Variants in LSAMP observed in about 807,000 individuals in gnomAD.
The protein encoded by LSAMP is limbic system-associated membrane protein.
In LSAMP, 7 loss-of-function variants were observed where a neutral mutation model predicts 38.6. The observed-to-expected ratio is 0.18, with a 90% CI of 0.10 to 0.34. The LOEUF (loss-of-function observed/expected upper bound fraction) is 0.34. Ranked by LOEUF, LSAMP falls within the 10% of genes least tolerant of loss-of-function variation. The pLI, the probability that LSAMP is intolerant of heterozygous loss-of-function variation, is 1.00. For missense variants in LSAMP, 313 were observed against 420.0 expected (o/e 0.75, Z 2.23); for synonymous variants, 154 against 166.8 (o/e 0.92, Z 0.59).
chr3:116,233,850 C>A (rs2046433215), intron 1 of LSAMP, among the ~76,000 whole-genome samples: 1 of 152,142 alleles, frequency 6.6e-6, no homozygotes, highest in Non-Finnish European at 1.5e-5. Flanking sequence ...TTCCACACTG[C>A]AGTTCAATTT....
At chr3:116,334,999 A>C (rs1171635458) in intron 1 of LSAMP, among the ~76,000 whole-genome samples, 2 of 152,080 alleles carry the variant, frequency 1.3e-5, no homozygotes, top group East Asian at 3.9e-4. Context: ...TTCCACAAAA[A>C]ACCTGTGAGA....
At position 115,852,720 on chromosome 3, in the gene LSAMP, T is replaced by A. The variant is rs569979465; in HGVS notation, c.515-103A>T. On this transcript the variant is annotated intron_variant, in intron 3 of 6. Transcript: ENST00000490035. ...GCCATAAATCCACATTTCTTTTCAA[T>A]GATTTGAAAATGTACTTTGTCTGAC... The A allele has an allele frequency of 5.2e-6, 6 of 1,151,500 alleles. No homozygotes were observed. In the South Asian group the frequency reaches 9.6e-5, roughly 18 times the overall value. 71.3% of individuals were successfully genotyped at this position (1,151,500 alleles called of 1,614,324 possible).
intron 1 of LSAMP, among the ~76,000 whole-genome samples, chr3:116,196,389 T>C (rs1037438770): frequency 1.3e-5 from 2 of 152,194 alleles, no homozygotes; most frequent in African/African-American, 4.8e-5. Context: ...TCAATATATA[T>C]TTTTTGACAA....
At chr3:115,940,789 A>G (rs1378020003) in intron 3 of LSAMP, among the ~76,000 whole-genome samples, 1 of 152,148 alleles carries the variant, frequency 6.6e-6, no homozygotes, top group African/African-American at 2.4e-5. Context: ...TGCCAGTATT[A>G]TGCTGTTTTG....
chr3:116,032,718 G>A (rs769623382), intron 2 of LSAMP, among the ~76,000 whole-genome samples: 104 of 152,196 alleles, frequency 6.8e-4, no homozygotes, highest in Middle Eastern at 3.4e-3. Context: ...TGGGAAGATT[G>A]CTTGAGCCAG....
At chr3:116,299,410 T>C (rs748064083) in intron 1 of LSAMP, among the ~76,000 whole-genome samples, 5 of 152,234 alleles carry the variant, frequency 3.3e-5, no homozygotes, top group Non-Finnish European at 7.3e-5. Context: ...ACATGGTCAC[T>C]CTTTCAATAT....
intron 1 of LSAMP, among the ~76,000 whole-genome samples, chr3:116,104,284 A>T (rs1368800640): frequency 1.3e-4 from 20 of 152,218 alleles, no homozygotes; most frequent in Admixed American, 1.3e-3. Context: ...TCAATGCGAA[A>T]CAGTGTAGCC....
chr3:116,218,579 C>G (rs2046247784), intron 1 of LSAMP, among the ~76,000 whole-genome samples: 1 of 152,178 alleles, frequency 6.6e-6, no homozygotes, highest in Admixed American at 6.5e-5. Context: ...GTACGGAGTT[C>G]ACTGATAACC....
intron 1 of LSAMP, among the ~76,000 whole-genome samples, chr3:116,356,494 T>C (rs570415876): frequency 2.0e-5 from 3 of 152,184 alleles, no homozygotes; most frequent in African/African-American, 7.2e-5. Flanking sequence ...AATATAGTTA[T>C]ATACAATGAA....
intron 1 of LSAMP, among the ~76,000 whole-genome samples, chr3:116,245,840 C>CTTCAGA (rs1369127515): frequency 1.4e-4 from 22 of 152,052 alleles, no homozygotes; most frequent in Non-Finnish European, 8.8e-5. Context: ...ATGGGATGTA[C>CTTCAGA]TTCAGAAATA....
At chr3:116,394,565 T>C (rs2048744018) in intron 1 of LSAMP, among the ~76,000 whole-genome samples, 1 of 152,150 alleles carries the variant, frequency 6.6e-6, no homozygotes, top group South Asian at 2.1e-4. Context: ...TTTTGACTCA[T>C]TAGAGCATGA....
At chr3:116,339,200 C>T (rs889965832) in intron 1 of LSAMP, among the ~76,000 whole-genome samples, 2 of 151,934 alleles carry the variant, frequency 1.3e-5, no homozygotes, top group African/African-American at 4.8e-5. Flanking sequence ...GTAAGTAAAA[C>T]TTGGTGCGTA....
chr3:116,059,569 A>G (rs968336203), intron 2 of LSAMP, among the ~76,000 whole-genome samples: 1 of 152,188 alleles, frequency 6.6e-6, no homozygotes, highest in Non-Finnish European at 1.5e-5. Flanking sequence ...AAGGTGCAGC[A>G]CAGTTCCACC....
chr3:116,173,718 G>T (rs997943698), intron 1 of LSAMP, among the ~76,000 whole-genome samples: 1 of 151,726 alleles, frequency 6.6e-6, no homozygotes, highest in Non-Finnish European at 1.5e-5. Context: ...GAAGATGAGC[G>T]AGAGCATATT....
At chr3:116,166,794 T>G (rs1043788652) in intron 1 of LSAMP, among the ~76,000 whole-genome samples, 5 of 145,914 alleles carry the variant, frequency 3.4e-5, no homozygotes, top group South Asian at 2.2e-4. Flanking sequence ...TTTGTTTTTT[T>G]TTTTTTTTTT....
intron 1 of LSAMP, among the ~76,000 whole-genome samples, chr3:116,264,538 CA>C (rs547783231): frequency 1.1e-3 from 160 of 152,076 alleles, no homozygotes; most frequent in African/African-American, 3.7e-3. Flanking sequence ...CTGTGACTGT[CA>C]AAAAATAAGA....
At chr3:116,058,937 C>G (rs547574695) in intron 2 of LSAMP, among the ~76,000 whole-genome samples, 2 of 113,302 alleles carry the variant, frequency 1.8e-5, no homozygotes, top group Non-Finnish European at 3.5e-5. Flanking sequence ...TTTGTTTGTT[C>G]GTTTTTTTTT....
intron 3 of LSAMP, among the ~76,000 whole-genome samples, chr3:115,877,767 T>C (rs1463135309): frequency 6.6e-6 from 1 of 152,176 alleles, no homozygotes; most frequent in Non-Finnish European, 1.5e-5. Flanking sequence ...GCTTTCTGTG[T>C]CCTTCAGCAA....
chr3:116,246,298 A>G (rs2046604589), intron 1 of LSAMP, among the ~76,000 whole-genome samples: 1 of 152,146 alleles, frequency 6.6e-6, no homozygotes, highest in Admixed American at 6.5e-5. Flanking sequence ...CTGAGGTATC[A>G]TTGCCAGAAT....
Sources: gnomAD v4.1 joint callset for allele counts (sites outside exome capture counted in the v4.1 genomes callset) on GRCh38, gnomAD v4.1.1 for gene constraint, MANE v1.5 for transcripts, NCBI Gene and HGNC (gene_info 2026-07-23, HGNC 2026-07-21) for gene names.